The following TRPM3 variants were observed in gnomAD, a reference collection of about 807,000 sequenced individuals.
TRPM3 encodes long transient receptor potential channel 3.
In TRPM3, 77 loss-of-function variants were observed where a neutral mutation model predicts 181.2. The observed-to-expected ratio is 0.42, with a 90% confidence interval of 0.35 to 0.51. The LOEUF is 0.51. Among genes scored for constraint, TRPM3 ranks in the 20% least tolerant of loss-of-function variants. The pLI is 0.01. For missense variants in TRPM3, 1,759 were observed against 2,196.7 expected (o/e 0.80, Z 3.98); for synonymous variants, 745 against 796.4 (o/e 0.94, Z 1.09).
In TRPM3 at chr9:70,552,788, T is replaced by C. The variant is rs552914280; in HGVS notation, c.3574+56A>G. On this transcript the variant is annotated intron_variant, in intron 24 of 25. Coordinates refer to ENST00000677713, the MANE Select transcript of TRPM3 (RefSeq NM_001366145.2). ...GCATGCGATTCTGCGTGATTGCCTA[T>C]AGGAAGTGGTAGGGATTTCTGATTT... 226 of 1,584,012 alleles carry C rather than the reference T, an allele frequency of 1.4e-4. 2 individuals are homozygous for C. The South Asian group carries it at 2.4e-3, about 17-fold the overall frequency.
rs58943992 is a variant in TRPM3, at chr9:71,242,412, T to C, written c.183+204241A>G. 6.6e-4 allele frequency among the ~76,000 whole-genome samples: 101 copies of C among 152,278 alleles called. 1 individual carries two copies. The East Asian group carries it at 0.017, about 26-fold the overall frequency. On this transcript the variant is annotated intron_variant, in intron 1 of 24. Coordinates refer to the TRPM3 transcript ENST00000357533. ...AAGTCTCGGTCATGACCGGATTAGA[T>C]GGTGAAAACAATCTGTTTATTTAGG...
intron 1 of TRPM3, among the ~76,000 whole-genome samples, chr9:71,110,830 C>T (rs540768402): frequency 3.6e-4 from 55 of 152,204 alleles, no homozygotes; most frequent in African/African-American, 1.3e-3. Context: ...AATTATATAG[C>T]TTGCTTGTAT....
chr9:71,414,395 A>G (rs1000885815), intron 1 of TRPM3, among the ~76,000 whole-genome samples: 2 of 152,114 alleles, frequency 1.3e-5, no homozygotes, highest in African/African-American at 2.4e-5. Flanking sequence ...GAGCTTATTC[A>G]TTGATTACCT....
At chr9:71,134,769 G>C (rs1479132811) in intron 1 of TRPM3, among the ~76,000 whole-genome samples, 1 of 152,092 alleles carries the variant, frequency 6.6e-6, no homozygotes, top group Non-Finnish European at 1.5e-5. Context: ...ATGTAACATA[G>C]ATTTCTTAGT....
chr9:70,961,034 G>A (rs1048648950), intron 1 of TRPM3, among the ~76,000 whole-genome samples: 3 of 152,176 alleles, frequency 2.0e-5, no homozygotes, highest in Non-Finnish European at 4.4e-5. Flanking sequence ...ATCTTACATG[G>A]CAAGAGGGAT....
At chr9:70,936,881 C>G (rs2096833595) in intron 1 of TRPM3, among the ~76,000 whole-genome samples, 1 of 152,192 alleles carries the variant, frequency 6.6e-6, no homozygotes, top group Non-Finnish European at 1.5e-5. Flanking sequence ...TATCTCTTGT[C>G]TGTCTTCTAG....
chr9:70,977,072 ATAAAC>A (rs1255497876), intron 1 of TRPM3, among the ~76,000 whole-genome samples: 7 of 152,380 alleles, frequency 4.6e-5, no homozygotes, highest in African/African-American at 1.4e-4. Context: ...TACAAAGACT[ATAAAC>A]TATGTTTTTG....
intron 1 of TRPM3, among the ~76,000 whole-genome samples, chr9:71,361,993 C>G (rs114349300): frequency 0.014 from 2,151 of 152,234 alleles, 42 homozygotes; most frequent in African/African-American, 0.047. Flanking sequence ...CTTCATTCTG[C>G]AAGCCAGAGA....
At chr9:71,197,699 C>T (rs1234909830) in intron 1 of TRPM3, among the ~76,000 whole-genome samples, 1 of 151,856 alleles carries the variant, frequency 6.6e-6, no homozygotes, top group African/African-American at 2.4e-5. Context: ...ATTTCCTTCG[C>T]CCACTTTTTG....
intron 1 of TRPM3, among the ~76,000 whole-genome samples, chr9:71,430,959 A>T (rs2093945451): frequency 6.6e-6 from 1 of 152,220 alleles, no homozygotes; most frequent in African/African-American, 2.4e-5. Flanking sequence ...AGCATAAAAC[A>T]TAAATCCATC....
chr9:70,948,371 A>C (rs939095880), intron 1 of TRPM3, among the ~76,000 whole-genome samples: 3 of 152,160 alleles, frequency 2.0e-5, no homozygotes, highest in African/African-American at 7.2e-5. Flanking sequence ...TGAAAACGAA[A>C]TATACTTTAA....
At chr9:70,559,141 G>C (rs2048444739) in intron 22 of TRPM3, among the ~76,000 whole-genome samples, 1 of 152,138 alleles carries the variant, frequency 6.6e-6, no homozygotes, top group Non-Finnish European at 1.5e-5. Flanking sequence ...GCCTCACAGG[G>C]CAAGATTTTT....
At chr9:71,411,165 T>C (rs2093541480) in intron 1 of TRPM3, among the ~76,000 whole-genome samples, 1 of 152,196 alleles carries the variant, frequency 6.6e-6, no homozygotes, top group Non-Finnish European at 1.5e-5. Flanking sequence ...GGGCAAAAAC[T>C]GGAAGCATTC....
chr9:71,274,357 T>C (rs752797025), intron 1 of TRPM3, among the ~76,000 whole-genome samples: 6 of 152,236 alleles, frequency 3.9e-5, no homozygotes, highest in African/African-American at 7.2e-5. Context: ...GAGGCTCTGA[T>C]TTCCTTCAGA....
intron 8 of TRPM3, among the ~76,000 whole-genome samples, chr9:70,697,556 A>G (rs914040290): frequency 6.6e-6 from 1 of 152,174 alleles, no homozygotes; most frequent in African/African-American, 2.4e-5. Flanking sequence ...TCTGCATAAA[A>G]ATTATAGGCT....
chr9:70,553,912 G>T (rs575693553), intron 22 of TRPM3, among the ~76,000 whole-genome samples: 71 of 152,278 alleles, frequency 4.7e-4, no homozygotes, highest in South Asian at 3.5e-3. Context: ...GCTCCTGATG[G>T]ATGGGATTTC....
At chr9:70,976,158 A>T (rs1216252886) in intron 1 of TRPM3, among the ~76,000 whole-genome samples, 1 of 152,206 alleles carries the variant, frequency 6.6e-6, no homozygotes, top group Non-Finnish European at 1.5e-5. Context: ...ACGGGGAAGG[A>T]GAACACAGAT....
At chr9:71,123,203 T>G (rs1343826150), upstream of TRPM3, among the ~76,000 whole-genome samples, 2 of 152,192 alleles carry the variant, frequency 1.3e-5, no homozygotes, top group Non-Finnish European at 2.9e-5. Context: ...ACTGCCTCTG[T>G]TTTTTGGTAA....
At chr9:71,266,089 G>A (rs2033139539) in intron 1 of TRPM3, among the ~76,000 whole-genome samples, 1 of 152,162 alleles carries the variant, frequency 6.6e-6, no homozygotes, top group Admixed American at 6.5e-5. Context: ...AACTTAAGGA[G>A]TCCACTGTAG....
Sources: allele counts gnomAD v4.1 joint callset (sites outside exome capture counted in the v4.1 genomes callset), GRCh38; gene constraint gnomAD v4.1.1; transcripts MANE v1.5; gene names NCBI Gene and HGNC (gene_info 2026-07-23, HGNC 2026-07-21).